The following GPC5 variants were observed in gnomAD, a reference collection of about 807,000 sequenced individuals.
GPC5 encodes glypican 5.
In GPC5, 47 loss-of-function variants were observed where a neutral mutation model predicts 53.9. The ratio of observed to expected loss-of-function variants is 0.87; its 90% CI spans 0.69 to 1.11. The LOEUF is 1.11. GPC5 is among the 50% of genes most tolerant of loss of function. The pLI, the probability that GPC5 is intolerant of heterozygous loss-of-function variation, is 0.00. For missense variants in GPC5, 748 were observed against 713.1 expected (o/e 1.05, Z -0.56); for synonymous variants, 286 against 263.3 (o/e 1.09, Z -0.84).
chr13:92,476,503 A>G (rs1381274481), intron 7 of GPC5, among the ~76,000 whole-genome samples: 1 of 151,880 alleles, frequency 6.6e-6, no homozygotes, highest in Non-Finnish European at 1.5e-5. Flanking sequence ...TCAGTGATCT[A>G]GAACTGGAAA....
intron 7 of GPC5, among the ~76,000 whole-genome samples, chr13:92,616,643 A>G (rs1460094071): frequency 1.3e-5 from 2 of 152,212 alleles, no homozygotes; most frequent in African/African-American, 4.8e-5. Flanking sequence ...TGCTGATAAT[A>G]TTGGACATAT....
intron 2 of GPC5, among the ~76,000 whole-genome samples, chr13:91,611,366 A>G (rs2033543812): frequency 6.6e-6 from 1 of 152,206 alleles, no homozygotes; most frequent in African/African-American, 2.4e-5. Context: ...AGTGATAAAG[A>G]TAAAATGTGT....
chr13:92,605,647 T>C (rs1884228613), intron 7 of GPC5, among the ~76,000 whole-genome samples: 1 of 150,484 alleles, frequency 6.6e-6, no homozygotes, highest in Admixed American at 6.6e-5. Context: ...CGGACTGCAG[T>C]GGCGCAATCT....
At position 92,746,746 on chromosome 13, in the gene GPC5, C is replaced by G. The variant is rs1006305406; in HGVS notation, c.1562-119536C>G. Among the ~76,000 whole-genome samples the G allele has an allele frequency of 2.0e-5, 3 of 152,068 alleles. No homozygotes were observed. In the East Asian group the frequency reaches 5.8e-4, roughly 29 times the overall value. On this transcript the variant is annotated intron_variant, in intron 7 of 7. Transcript: ENST00000377067. ...CATTCATGTAAACAAAGGTATTTAT[C>G]TCTTAACTTTATTGATATCTCAAAC... is the stretch of plus-strand genomic sequence containing the variant.
chr13:92,849,282 C>T (rs1878713694), intron 7 of GPC5, among the ~76,000 whole-genome samples: 1 of 152,112 alleles, frequency 6.6e-6, no homozygotes. Context: ...TTTAGCTATC[C>T]CCTGGGCCAA....
chr13:92,680,544 A>C (rs1470505208), intron 7 of GPC5, among the ~76,000 whole-genome samples: 1 of 152,216 alleles, frequency 6.6e-6, no homozygotes, highest in Non-Finnish European at 1.5e-5. Flanking sequence ...TGCTCTAAAG[A>C]CAAAGGAAAC....
intron 5 of GPC5, among the ~76,000 whole-genome samples, chr13:91,764,876 T>C (rs1423163811): frequency 2.0e-5 from 3 of 152,212 alleles, no homozygotes; most frequent in Admixed American, 6.5e-5. Flanking sequence ...TGATCTCTCA[T>C]TGATGTTTTC....
At chr13:92,643,528 C>G (rs1367058053) in intron 7 of GPC5, among the ~76,000 whole-genome samples, 5 of 142,948 alleles carry the variant, frequency 3.5e-5, no homozygotes, top group African/African-American at 1.3e-4. Context: ...ACATATACAC[C>G]ATGGAATACT....
intron 1 of GPC5, among the ~76,000 whole-genome samples, chr13:91,435,821 C>A (rs978638440): frequency 1.6e-4 from 24 of 152,272 alleles, no homozygotes; most frequent in South Asian, 2.1e-4. Context: ...TGGTCCTGGA[C>A]TGTTTTTGGT....
At chr13:91,655,731 C>T (rs1432708384) in intron 2 of GPC5, among the ~76,000 whole-genome samples, 3 of 151,928 alleles carry the variant, frequency 2.0e-5, no homozygotes, top group African/African-American at 7.3e-5. Flanking sequence ...CAAACAGTGC[C>T]CTATGTTTGA....
chr13:91,713,662 G>C (rs1057011194), intron 3 of GPC5, among the ~76,000 whole-genome samples: 2 of 152,074 alleles, frequency 1.3e-5, no homozygotes, highest in Non-Finnish European at 2.9e-5. Flanking sequence ...CTTTCTCTCA[G>C]AATGTCACAA....
chr13:91,956,349 C>G (rs2040073616), intron 6 of GPC5, among the ~76,000 whole-genome samples: 1 of 152,086 alleles, frequency 6.6e-6, no homozygotes, highest in Admixed American at 6.5e-5. Flanking sequence ...ACTGGCCTGC[C>G]CAGCCCATTG....
chr13:91,583,654 A>C (rs1447489569), intron 2 of GPC5, among the ~76,000 whole-genome samples: 1 of 152,176 alleles, frequency 6.6e-6, no homozygotes, highest in Non-Finnish European at 1.5e-5. Flanking sequence ...GTATATGTTA[A>C]TGAAAGGTGA....
chr13:92,125,644 A>G (rs2041688207), intron 6 of GPC5, among the ~76,000 whole-genome samples: 2 of 152,126 alleles, frequency 1.3e-5, no homozygotes. Context: ...TCAGTGGGAA[A>G]ATCATTGGTA....
chr13:91,570,848 T>G (rs1363290846), intron 2 of GPC5, among the ~76,000 whole-genome samples: 1 of 152,202 alleles, frequency 6.6e-6, no homozygotes, highest in African/African-American at 2.4e-5. Flanking sequence ...CTTTATAAAC[T>G]TGGGACTCAG....
At chr13:92,119,593 T>C (rs9523510) in intron 6 of GPC5, among the ~76,000 whole-genome samples, 1 of 110,496 alleles carries the variant, frequency 9.1e-6, no homozygotes. Flanking sequence ...TTTTTTTTTT[T>C]GTATTTTTAG....
At chr13:91,732,416 A>G (rs2036720786) in intron 4 of GPC5, among the ~76,000 whole-genome samples, 3 of 148,190 alleles carry the variant, frequency 2.0e-5, no homozygotes, top group Admixed American at 6.8e-5. Context: ...TAGATTCTGG[A>G]TATTAGACCT....
intron 7 of GPC5, among the ~76,000 whole-genome samples, chr13:92,808,916 T>C (rs1170356100): frequency 6.6e-6 from 1 of 152,156 alleles, no homozygotes; most frequent in Non-Finnish European, 1.5e-5. Context: ...ACATTTTACC[T>C]GCAGCCAGTG....
chr13:92,806,777 A>G (rs894755974), intron 7 of GPC5, among the ~76,000 whole-genome samples: 1 of 151,982 alleles, frequency 6.6e-6, no homozygotes, highest in Admixed American at 6.6e-5. Context: ...TGGTGCTCTA[A>G]AACAATTACA....
Sources: gnomAD v4.1 joint callset for allele counts (sites outside exome capture counted in the v4.1 genomes callset) on GRCh38, gnomAD v4.1.1 for gene constraint, MANE v1.5 for transcripts, NCBI Gene and HGNC (gene_info 2026-07-23, HGNC 2026-07-21) for gene names.